Variants in TNS1 observed in about 807,000 individuals in gnomAD.
TNS1 encodes tensin-1.
TNS1 carries 62 observed loss-of-function variants against 168.6 expected under a neutral mutation model. That is an observed-to-expected ratio of 0.37 (90% CI 0.30 to 0.45). TNS1 has a LOEUF of 0.45. Among genes scored for constraint, TNS1 ranks in the 20% least tolerant of loss-of-function variants. The pLI is 1.00. For synonymous variants in TNS1, 934 were observed against 933.2 expected (o/e 1.00, Z -0.02); for missense variants, 2,240 against 2,339.4 (o/e 0.96, Z 0.88).
At chr2:217,953,495 G>T (rs1057471851) in intron 3 of TNS1, among the ~76,000 whole-genome samples, 1 of 152,198 alleles carries the variant, frequency 6.6e-6, no homozygotes, top group Non-Finnish European at 1.5e-5. Flanking sequence ...TCTGTTGTTG[G>T]GTTTTGGGAT....
intron 3 of TNS1, among the ~76,000 whole-genome samples, chr2:217,952,055 AG>A (rs1957256415): frequency 6.6e-6 from 1 of 152,220 alleles, no homozygotes; most frequent in South Asian, 2.1e-4. Flanking sequence ...CACTTGATCT[AG>A]GAGAGGGAGC....
rs1254564900 is a variant in TNS1 at position 217,900,482 on chromosome 2, G to A, written c.352C>T (p.Pro118Ser). The change falls in exon 7 of 33, where the codon CCC becomes TCC. Residue 118 changes from proline (P) to serine (S), a missense_variant. Physicochemically the swap from Pro to Ser is moderately conservative, Grantham distance 74. This residue lies in a region of TNS1 where 2,131 missense variants were observed against 2,171.2 expected (regional missense o/e 0.98). Transcript: ENST00000682258. ...GSTRVTPSVQPHLQPIRNMSV... is the reference protein window; with the variant it reads ...GSTRVTPSVQSHLQPIRNMSV... Reference sequence around the variant, plus strand: ...GCATACCTGATGGGCTGGAGGTGGGGCTGGACACTCGGGGTGACCCTGGTG... The same window carrying A: ...GCATACCTGATGGGCTGGAGGTGGGACTGGACACTCGGGGTGACCCTGGTG... 2 of 1,535,436 alleles carry A rather than the reference G, an allele frequency of 1.3e-6. No individual in the cohort carries two copies. Among genetic ancestry groups the A allele is most frequent in the East Asian group, 2.4e-5 (1 of 40,882 alleles).
At position 217,985,051 on chromosome 2, in the gene TNS1, C is replaced by T. The variant is rs563418312; in HGVS notation, c.148+5891G>A. 1.4e-4 allele frequency among the ~76,000 whole-genome samples: 21 copies of T among 151,886 alleles called. No homozygotes were observed. The South Asian group carries it at 4.4e-3, about 32-fold the overall frequency. On this transcript the variant is annotated intron_variant, in intron 2 of 32. Transcript: ENST00000682258. ...GGATTACAGGAGTGAGCCACCACAC[C>T]TGGCACCATTATGAGATTTTTTTTT...
chr2:217,826,473 T>C (rs1943634432), intron 22 of TNS1, among the ~76,000 whole-genome samples: 1 of 152,126 alleles, frequency 6.6e-6, no homozygotes, highest in Admixed American at 6.5e-5. Context: ...CGTTTCCTCA[T>C]CTGCAAAGTG....
At chr2:217,930,087 T>C (rs1343827183) in intron 3 of TNS1, among the ~76,000 whole-genome samples, 2 of 152,186 alleles carry the variant, frequency 1.3e-5, no homozygotes, top group Admixed American at 1.3e-4. Flanking sequence ...CACTCCCATT[T>C]CTCACCTCTC....
chr2:217,852,194 G>A (rs1201570085), intron 18 of TNS1, among the ~76,000 whole-genome samples: 1 of 152,204 alleles, frequency 6.6e-6, no homozygotes, highest in Non-Finnish European at 1.5e-5. Flanking sequence ...GCAAAGCACT[G>A]AAGACAGGAG....
intron 9 of TNS1, among the ~76,000 whole-genome samples, chr2:217,894,355 A>G (rs928736263): frequency 1.3e-5 from 2 of 152,190 alleles, no homozygotes; most frequent in African/African-American, 4.8e-5. Flanking sequence ...CCGAGCAAAC[A>G]GAATAAAAAG....
intron 1 of TNS1, among the ~76,000 whole-genome samples, chr2:217,996,594 C>T (rs1030420150): frequency 6.6e-6 from 1 of 152,128 alleles, no homozygotes; most frequent in Non-Finnish European, 1.5e-5. Flanking sequence ...CTCCTCCCTG[C>T]ACCTCCCCCA....
chr2:217,807,157 A>C (rs1399878957), intron 32 of TNS1, among the ~76,000 whole-genome samples: 1 of 152,228 alleles, frequency 6.6e-6, no homozygotes, highest in African/African-American at 2.4e-5. Context: ...TAAAGGTGAA[A>C]GCAGTATTTT....
chr2:217,842,238 T>A, intron 19 of TNS1: 1 of 611,512 alleles, frequency 1.6e-6, no homozygotes, highest in Non-Finnish European at 2.9e-6. Context: ...ACAATTCCCA[T>A]ATCTCTAAGT....
In TNS1 at chr2:217,880,754, G is replaced by T. The variant is rs2288164; in HGVS notation, c.1429+144C>A. The T allele has an allele frequency of 0.079, 52,247 of 660,306 alleles. 3,286 individuals carry two copies. Among genetic ancestry groups the T allele is most frequent in the East Asian group, 0.21 (8,313 of 39,620 alleles). The allele number at this position is 660,306 out of a possible 1,614,324, so 40.9% of individuals were successfully genotyped here. On this transcript the variant is annotated intron_variant, in intron 18 of 32. Coordinates refer to ENST00000682258, the MANE Select transcript of TNS1 (RefSeq NM_001387777.1). This position sits in a 1 kb window ranked among gnomAD's most constrained non-coding sequence, Gnocchi z 4.2. Reference sequence around the variant, plus strand: ...TGTGCCTTATCTTCCCCCAGTTAACGGTGAGCTCTCGGAGGTACCTCACAC... The same window carrying T: ...TGTGCCTTATCTTCCCCCAGTTAACTGTGAGCTCTCGGAGGTACCTCACAC...
Position 217,836,109 on chromosome 2 carries a change from G to T in TNS1, c.3110C>A (p.Ser1037Tyr), listed in dbSNP as rs762318273. Residue 1037 changes from serine (S) to tyrosine (Y), a missense_variant, in exon 20 of 33, where the codon TCC becomes TAC. Ser to Tyr is a moderately radical substitution (Grantham distance 144). Transcript: ENST00000682258. Reference protein sequence around the residue: ...QYENQSPEATSPRSPGVRSPV... With the variant: ...QYENQSPEATYPRSPGVRSPV... The stretch of plus-strand genomic sequence containing the variant: ...GGAGCGAACCCCAGGGCTACGAGGG[G>T]ATGTGGCTTCTGGAGACTGGTTCTC... 2 of 1,614,122 alleles carry T rather than the reference G, an allele frequency of 1.2e-6. No homozygotes were observed. The highest frequency in any genetic ancestry group is 4.5e-5 in the East Asian group (2 of 44,886).
intron 3 of TNS1, among the ~76,000 whole-genome samples, chr2:217,960,555 G>T (rs1014900995): frequency 6.6e-6 from 1 of 152,142 alleles, no homozygotes; most frequent in Non-Finnish European, 1.5e-5. Context: ...ACAGGTCCAT[G>T]CCAGGCAGGC....
At chr2:217,821,984 G>T in intron 22 of TNS1, 46 bp from the exon 23 acceptor site, 2 of 1,527,662 alleles carry the variant, frequency 1.3e-6, no homozygotes, top group Admixed American at 2.1e-5. Context: ...GATGCACAGG[G>T]GTGCAGTGCA....
At chr2:217,812,719 G>C (rs761879944) in intron 27 of TNS1, among the ~76,000 whole-genome samples, 3 of 152,128 alleles carry the variant, frequency 2.0e-5, no homozygotes, top group Non-Finnish European at 4.4e-5. Context: ...CCAGTTACTG[G>C]GGCTCCTCTG....
rs552211476 is a variant in TNS1, at chr2:217,832,270, C to T, written c.3281-723G>A. 9.1e-4 allele frequency among the ~76,000 whole-genome samples: 139 copies of T among 152,226 alleles called. 1 individual carries two copies. The highest frequency in any genetic ancestry group is 1.9e-3 in the Non-Finnish European group (127 of 68,042). On this transcript the variant is annotated intron_variant, in intron 21 of 32. Coordinates refer to ENST00000682258, the MANE Select transcript of TNS1 (RefSeq NM_001387777.1). ...CACTCCCTATGCGAAGCCTGGGCTC[C>T]TCCCAGGCCGCCCATCTGGGTTACA...
At chr2:217,882,505 A>T in intron 16 of TNS1, 94 bp from the exon 17 acceptor site, 1 of 700,686 alleles carries the variant, frequency 1.4e-6, no homozygotes, top group Non-Finnish European at 2.4e-6. Flanking sequence ...AATACCATAT[A>T]TGTACATGGT....
rs1553628686 is a variant in TNS1 at position 218,031,135 on chromosome 2, T to TGTGA, written c.156+2684_156+2685insTCAC. On this transcript the variant is annotated intron_variant, in intron 1 of 1. Coordinates refer to the TNS1 transcript ENST00000649572. ...GTGTGTGTGAGCATGTCTGTGTGTG[T>TGTGA]GTGTGTATGTGTTGTGTGAGCATGT... Among the ~76,000 whole-genome samples the TGTGA allele has an allele frequency of 4.8e-3, 668 of 139,892 alleles. 9 individuals are homozygous for TGTGA. Among genetic ancestry groups the TGTGA allele is most frequent in the East Asian group, 0.013 (54 of 4,284 alleles). 91.8% of individuals were successfully genotyped at this position (139,892 alleles called of 152,430 possible). A position where few individuals can be genotyped will look rare whatever the true frequency, so the allele number is the denominator to read the frequency against.
rs1559131932 is a variant in TNS1, at chr2:217,805,504, C to CGACACACA, written c.5376-902_5376-901insTGTGTGTC. ...ACACACCACACACACACCACACACACCACCACACACACCACACACACCACA... is the reference window on the plus strand; with the variant it reads ...ACACACCACACACACACCACACACACGACACACACACCACACACACCACACACACCACA... On this transcript the variant is annotated intron_variant, in intron 32 of 32. Transcript: ENST00000682258. Among the ~76,000 whole-genome samples, 226 of 58,200 alleles carry CGACACACA rather than the reference C, an allele frequency of 3.9e-3. 10 individuals carry two copies. The highest frequency in any genetic ancestry group is 0.017 in the African/African-American group (204 of 12,088). The allele number at this position is 58,200 out of a possible 152,430, so 38.2% of individuals were successfully genotyped here.
Sources: allele counts gnomAD v4.1 joint callset (sites outside exome capture counted in the v4.1 genomes callset), GRCh38; gene constraint gnomAD v4.1.1; regional missense constraint gnomAD v4.1.1; non-coding constraint Gnocchi (gnomAD v3.1); transcripts MANE v1.5; gene names NCBI Gene and HGNC (gene_info 2026-07-23, HGNC 2026-07-21).